The following KIF21A variants were observed in gnomAD, a reference collection of about 807,000 sequenced individuals.
KIF21A encodes kinesin family member 21A, also known as kinesin-like protein KIF21A.
KIF21A carries 114 observed loss-of-function variants against 202.9 expected under a neutral mutation model. The ratio of observed to expected loss-of-function variants is 0.56; its 90% confidence interval spans 0.48 to 0.66. The LOEUF (loss-of-function observed/expected upper bound fraction) is 0.66. Ranked by LOEUF, KIF21A falls within the 30% of genes least tolerant of loss-of-function variation. KIF21A has a pLI of 0.00. For missense variants in KIF21A, 1,677 were observed against 1,994.9 expected (o/e 0.84, Z 3.04); for synonymous variants, 667 against 670.8 (o/e 0.99, Z 0.09).
chr12:39,296,829 T>C (rs1942425034), intron 37 of KIF21A, among the ~76,000 whole-genome samples: 1 of 152,242 alleles, frequency 6.6e-6, no homozygotes, highest in Non-Finnish European at 1.5e-5. Flanking sequence ...AGATCAAGTA[T>C]GGACTCAACT....
At chr12:39,300,576 T>C (rs1469025766) in intron 37 of KIF21A, among the ~76,000 whole-genome samples, 2 of 152,132 alleles carry the variant, frequency 1.3e-5, no homozygotes, top group Non-Finnish European at 2.9e-5. Context: ...ATATAAATGG[T>C]ACACAAACAA....
chr12:39,372,245 C>T (rs1950014594), intron 1 of KIF21A, among the ~76,000 whole-genome samples: 1 of 152,122 alleles, frequency 6.6e-6, no homozygotes, highest in African/African-American at 2.4e-5. Flanking sequence ...ATTTTGTATG[C>T]CTCAAAAATA....
At chr12:39,357,539 G>A (rs1457015924) in intron 8 of KIF21A, 102 bp from the exon 9 acceptor site, 9 of 1,008,428 alleles carry the variant, frequency 8.9e-6, no homozygotes, top group South Asian at 1.3e-5. Context: ...AACCAAGAGC[G>A]TTTTCATCTT....
At chr12:39,356,496 ACTGATGGGGG>A in intron 10 of KIF21A, 20 of 207,976 alleles carry the variant, frequency 9.6e-5, no homozygotes, top group South Asian at 3.0e-4. Context: ...TCTATTCCCA[ACTGATGGGGG>A]AAGAGGCATA....
intron 26 of KIF21A, among the ~76,000 whole-genome samples, chr12:39,325,495 C>A (rs1171599036): frequency 9.7e-6 from 1 of 103,206 alleles, no homozygotes; most frequent in Non-Finnish European, 1.9e-5. Flanking sequence ...CCACGCCCAG[C>A]TAATTTTTTT....
At position 39,442,755 on chromosome 12, in the gene KIF21A, G is replaced by A. The variant is rs533805524; in HGVS notation, c.44+172C>T. On this transcript the variant is annotated intron_variant, in intron 1 of 37. Coordinates refer to ENST00000361418, the MANE Select transcript of KIF21A (RefSeq NM_001173464.2). This position sits in a 1 kb window ranked among gnomAD's most constrained non-coding sequence, Gnocchi z 5.0. Reference sequence around the variant, plus strand: ...GCAGTCGCCCTGCCAGCACCCGGCCGCGCGTGCCAGGCCAGCGGGGACTCA... The same window carrying A: ...GCAGTCGCCCTGCCAGCACCCGGCCACGCGTGCCAGGCCAGCGGGGACTCA... Among the ~76,000 whole-genome samples, 1 of 152,268 alleles carries A rather than the reference G, an allele frequency of 6.6e-6. No individual in the cohort carries two copies. Among genetic ancestry groups the A allele is most frequent in the Admixed American group, 6.5e-5 (1 of 15,298 alleles).
At chr12:39,353,516 A>C (rs1323536224) in intron 10 of KIF21A, among the ~76,000 whole-genome samples, 3 of 152,136 alleles carry the variant, frequency 2.0e-5, no homozygotes, top group Admixed American at 6.6e-5. Context: ...ACAACAGAAA[A>C]GTACAAATAA....
chr12:39,321,673 G>T (rs1945279439), intron 27 of KIF21A: 1 of 152,144 alleles, frequency 6.6e-6, no homozygotes, highest in African/African-American at 2.4e-5. Context: ...CAATGGAAAT[G>T]TCCTCATAAA....
chr12:39,332,641 G>C lies in KIF21A; in HGVS notation c.2806C>G (p.Gln936Glu). ...LERRVTDIIM[Q>E]KMTISNMEAD... ...TCCATGTTGGAAATGGTCATCTTCT[G>C]CATGATGATGTCTGTGACCCTGCGC... Residue 936 changes from glutamine to glutamate, a missense_variant, in exon 20 of 38, where the codon CAG becomes GAG. This residue lies in a region of KIF21A where 966 missense variants were observed against 1,180.9 expected (regional missense o/e 0.82). Coordinates refer to ENST00000361418, the MANE Select transcript of KIF21A (RefSeq NM_001173464.2). 6.2e-7 allele frequency: 1 copy of C among 1,613,774 alleles called. No individual in the cohort carries two copies. The highest frequency in any genetic ancestry group is 8.5e-7 in the Non-Finnish European group (1 of 1,179,774).
chr12:39,384,991 T>C (rs1221983352), intron 1 of KIF21A, among the ~76,000 whole-genome samples: 2 of 147,752 alleles, frequency 1.4e-5, no homozygotes, highest in African/African-American at 4.9e-5. Context: ...GGAGAATCTC[T>C]TTCTCCAGTC....
intron 23 of KIF21A, 37 bp downstream of exon 23, chr12:39,330,709 A>T: frequency 6.2e-7 from 1 of 1,601,034 alleles, no homozygotes; most frequent in Non-Finnish European, 8.6e-7. Flanking sequence ...CAAAGCTACC[A>T]TGCAAATTCA....
At chr12:39,432,812 T>A (rs969847200) in intron 1 of KIF21A, among the ~76,000 whole-genome samples, 1 of 152,166 alleles carries the variant, frequency 6.6e-6, no homozygotes, top group South Asian at 2.1e-4. Flanking sequence ...GGTTTCACCA[T>A]GCTGGCCGGG....
In KIF21A at chr12:39,317,931, G is replaced by GGAAA. The variant is rs562560168; in HGVS notation, c.3908+138_3908+141dup. The stretch of plus-strand genomic sequence containing the variant: ...TTGGCTGCATGGTTCCTTTCCCATT[G>GGAAA]GAAAGATGCATAAAATATGGCAAGA... On this transcript the variant is annotated intron_variant, in intron 29 of 37. Transcript: ENST00000361418. 1.1e-4 allele frequency: 94 copies of GGAAA among 826,836 alleles called. No homozygotes were observed. The African/African-American group carries it at 1.5e-3, about 13-fold the overall frequency. 51.2% of individuals were successfully genotyped at this position (826,836 alleles called of 1,614,324 possible). A position where few individuals can be genotyped will look rare whatever the true frequency, so the allele number is the denominator to read the frequency against.
At chr12:39,312,558 G>A (rs113379113) in intron 31 of KIF21A, 16,824 of 151,942 alleles carry the variant, frequency 0.11, 928 homozygotes, top group East Asian at 0.14. Context: ...ATTGCTTGAG[G>A]GGATGGCTAC....
At chr12:39,387,331 T>C (rs185325338) in intron 1 of KIF21A, among the ~76,000 whole-genome samples, 1 of 152,114 alleles carries the variant, frequency 6.6e-6, no homozygotes, top group East Asian at 1.9e-4. Context: ...CTTTCCAATG[T>C]CCACTTTAAA....
At chr12:39,345,966 T>A (rs1271090369) in intron 12 of KIF21A, among the ~76,000 whole-genome samples, 1 of 151,862 alleles carries the variant, frequency 6.6e-6, no homozygotes, top group Non-Finnish European at 1.5e-5. Flanking sequence ...GGCCACAGTT[T>A]CCTTTTGTTT....
chr12:39,410,111 A>G (rs1047580897), intron 1 of KIF21A, among the ~76,000 whole-genome samples: 3 of 152,154 alleles, frequency 2.0e-5, no homozygotes, highest in Non-Finnish European at 2.9e-5. Flanking sequence ...GATTACAGGC[A>G]TGAGCCACCG....
intron 1 of KIF21A, among the ~76,000 whole-genome samples, chr12:39,380,385 T>C (rs901162128): frequency 6.6e-6 from 1 of 152,184 alleles, no homozygotes. Flanking sequence ...CACAAACAAG[T>C]CATTGACCCA....
chr12:39,343,215 C>T (rs1212758165), intron 12 of KIF21A, among the ~76,000 whole-genome samples: 1 of 151,884 alleles, frequency 6.6e-6, no homozygotes, highest in African/African-American at 2.4e-5. Context: ...TACAAAACAG[C>T]CTGGCATAGT....
Sources: gnomAD v4.1 joint callset for allele counts (sites outside exome capture counted in the v4.1 genomes callset) on GRCh38, gnomAD v4.1.1 for gene constraint, gnomAD v4.1.1 regional missense constraint, Gnocchi (gnomAD v3.1) non-coding constraint, MANE v1.5 for transcripts, NCBI Gene and HGNC (gene_info 2026-07-23, HGNC 2026-07-21) for gene names.